USP34: variants seen among roughly 807,000 people sequenced by gnomAD.
USP34 encodes the protein ubiquitin specific peptidase 34.
Under a neutral mutation model 460.3 loss-of-function variants are expected in USP34, and 70 were observed. That is an observed-to-expected ratio of 0.15 (90% CI 0.13 to 0.19). The LOEUF (loss-of-function observed/expected upper bound fraction) is 0.19, where lower values mean the gene tolerates loss of function less well. USP34 is among the 10% of genes least tolerant of loss of function. The probability of loss-of-function intolerance (pLI) is 1.00; values close to 1 mark genes in which losing one functional copy is unlikely to be tolerated. For missense variants in USP34, 3,985 were observed against 4,236.2 expected (o/e 0.94, Z 1.65); for synonymous variants, 1,647 against 1,405.3 (o/e 1.17, Z -3.85).
intron 12 of USP34, 99 bp downstream of exon 12, chr2:61,350,161 T>G: frequency 7.6e-7 from 1 of 1,316,142 alleles, no homozygotes; most frequent in South Asian, 1.5e-5. Flanking sequence ...CCACACTTAT[T>G]TTAAAATAAA....
At chr2:61,200,713 C>A (rs1472632714) in intron 75 of USP34, 1 of 152,218 alleles carries the variant, frequency 6.6e-6, no homozygotes, top group East Asian at 1.9e-4. Context: ...CTTTTCATTT[C>A]TTGTTGCCAA....
chr2:61,292,320 G>A (rs1480181496), intron 33 of USP34, among the ~76,000 whole-genome samples: 1 of 152,068 alleles, frequency 6.6e-6, no homozygotes, highest in African/African-American at 2.4e-5. Flanking sequence ...ACTATAAACA[G>A]GAAATACCAG....
chr2:61,345,312 C>T (rs889227058), intron 15 of USP34, among the ~76,000 whole-genome samples: 1 of 151,754 alleles, frequency 6.6e-6, no homozygotes, highest in African/African-American at 2.4e-5. Flanking sequence ...GCCCAAAATG[C>T]CAATCTTGAA....
intron 8 of USP34, among the ~76,000 whole-genome samples, chr2:61,374,280 G>A (rs187155965): frequency 1.3e-5 from 2 of 151,812 alleles, no homozygotes; most frequent in Admixed American, 6.5e-5. Flanking sequence ...TCCAAGTGGC[G>A]CCAGGACTTC....
intron 1 of USP34, among the ~76,000 whole-genome samples, chr2:61,437,246 G>A (rs1348181365): frequency 6.6e-6 from 1 of 151,920 alleles, no homozygotes; most frequent in Non-Finnish European, 1.5e-5. Context: ...GAAAAAAGCT[G>A]GTCATTTGAA....
intron 58 of USP34, among the ~76,000 whole-genome samples, chr2:61,230,321 T>C (rs541063151): frequency 2.0e-5 from 3 of 151,996 alleles, no homozygotes; most frequent in African/African-American, 7.2e-5. Context: ...AGGTCAGGAG[T>C]TCGAGACCAG....
rs756226428 is a variant in USP34 at position 61,248,492 on chromosome 2, A to G, written c.6394+19T>C. 54 of 1,537,466 alleles carry G rather than the reference A, an allele frequency of 3.5e-5. No individual in the cohort carries two copies. Among genetic ancestry groups the G allele is most frequent in the Non-Finnish European group, 4.7e-5 (53 of 1,136,676 alleles). On this transcript the variant is annotated intron_variant, in intron 49 of 79. Transcript: ENST00000398571. ...GATTGACAATAATCACAGACAAGAG[A>G]AAGAAATGAAAAAATCACCTTCTTT... is the stretch of plus-strand genomic sequence containing the variant.
intron 8 of USP34, among the ~76,000 whole-genome samples, chr2:61,375,147 C>G (rs1169516755): frequency 1.3e-5 from 2 of 152,146 alleles, no homozygotes; most frequent in Non-Finnish European, 2.9e-5. Flanking sequence ...ACATAAAAAG[C>G]TGCTCTACAT....
chr2:61,193,882 G>A (rs1686715290), intron 75 of USP34, among the ~76,000 whole-genome samples: 2 of 152,212 alleles, frequency 1.3e-5, no homozygotes, highest in East Asian at 3.8e-4. Flanking sequence ...CAACCCTGCT[G>A]AGGCAGTGTG....
At chr2:61,316,095 AC>A (rs1228100779) in intron 23 of USP34, among the ~76,000 whole-genome samples, 2 of 151,588 alleles carry the variant, frequency 1.3e-5, no homozygotes, top group African/African-American at 4.8e-5. Context: ...AATCCCAGCT[AC>A]TCGGGAGGTT....
At chr2:61,341,831 G>C (rs957435569) in intron 16 of USP34, among the ~76,000 whole-genome samples, 1 of 144,990 alleles carries the variant, frequency 6.9e-6, no homozygotes, top group Admixed American at 7.2e-5. Context: ...TATGATCTTG[G>C]CTCACTGCAA....
chr2:61,202,322 C>T (rs1686999164), intron 75 of USP34, among the ~76,000 whole-genome samples: 1 of 152,164 alleles, frequency 6.6e-6, no homozygotes, highest in East Asian at 1.9e-4. Context: ...GTAGTAGTTC[C>T]GCAAGTATTT....
intron 2 of USP34, among the ~76,000 whole-genome samples, chr2:61,412,847 C>T (rs987548515): frequency 1.3e-5 from 2 of 148,996 alleles, no homozygotes; most frequent in African/African-American, 2.5e-5. Context: ...CATCATAACG[C>T]CACTGCACTC....
intron 1 of USP34, among the ~76,000 whole-genome samples, chr2:61,427,808 A>G (rs1694554777): frequency 6.6e-6 from 1 of 152,128 alleles, no homozygotes; most frequent in Non-Finnish European, 1.5e-5. Flanking sequence ...AGAAAACGGA[A>G]TTTCTAAAAA....
At chr2:61,401,333 G>A (rs1214024405) in intron 3 of USP34, among the ~76,000 whole-genome samples, 1 of 151,496 alleles carries the variant, frequency 6.6e-6, no homozygotes, top group Non-Finnish European at 1.5e-5. Context: ...TGACCTCCTG[G>A]CTCAAGTGAT....
At chr2:61,322,114 C>T (rs1014872890) in intron 21 of USP34, among the ~76,000 whole-genome samples, 1 of 152,010 alleles carries the variant, frequency 6.6e-6, no homozygotes, top group South Asian at 2.1e-4. Context: ...CCTATAATAC[C>T]AGCTACTCGG....
intron 10 of USP34, among the ~76,000 whole-genome samples, chr2:61,368,730 T>C (rs567174352): frequency 1.3e-5 from 2 of 152,292 alleles, no homozygotes; most frequent in East Asian, 1.9e-4. Context: ...AAGATTAAGA[T>C]ATATAATTGC....
At chr2:61,336,207 C>T (rs1407460645) in intron 18 of USP34, among the ~76,000 whole-genome samples, 2 of 149,206 alleles carry the variant, frequency 1.3e-5, no homozygotes, top group Non-Finnish European at 3.0e-5. Context: ...TGCAGTGGTG[C>T]GATCTTGGCT....
intron 5 of USP34, among the ~76,000 whole-genome samples, chr2:61,393,550 AT>A (rs1216828907): frequency 6.6e-6 from 1 of 152,128 alleles, no homozygotes; most frequent in Non-Finnish European, 1.5e-5. Context: ...GATAGTAATC[AT>A]TTATTACCAA....
Sources: allele counts gnomAD v4.1 joint callset (sites outside exome capture counted in the v4.1 genomes callset), GRCh38; gene constraint gnomAD v4.1.1; transcripts MANE v1.5; gene names NCBI Gene and HGNC (gene_info 2026-07-23, HGNC 2026-07-21).